ATP1B1: variants seen among roughly 807,000 people sequenced by gnomAD.
ATP1B1 encodes ATPase Na+/K+ transporting subunit beta 1.
Under a neutral mutation model 39.6 loss-of-function variants are expected in ATP1B1, and 3 were observed. The observed-to-expected ratio is 0.08, with a 90% confidence interval of 0.03 to 0.20. The LOEUF is 0.20. Among genes scored for constraint, ATP1B1 ranks in the 10% least tolerant of loss-of-function variants. The pLI is 1.00. For synonymous variants in ATP1B1, 139 were observed against 135.0 expected (o/e 1.03, Z -0.20); for missense variants, 216 against 371.1 (o/e 0.58, Z 3.43).
At chr1:169,124,365 G>A (rs1462699164) in intron 2 of ATP1B1, among the ~76,000 whole-genome samples, 2 of 152,200 alleles carry the variant, frequency 1.3e-5, no homozygotes, top group African/African-American at 4.8e-5. Context: ...CTTGAGTCTA[G>A]AGAATTTGGA....
At chr1:169,109,909 A>T (rs1010585908) in intron 1 of ATP1B1, among the ~76,000 whole-genome samples, 4 of 151,870 alleles carry the variant, frequency 2.6e-5, no homozygotes, top group African/African-American at 4.8e-5. Flanking sequence ...CAGCGTTGCC[A>T]TTTGCCTACT....
In ATP1B1 at chr1:169,127,431, G is replaced by A. The variant is rs1162356417; in HGVS notation, c.567+23G>A. The A allele has an allele frequency of 3.1e-6, 5 of 1,588,954 alleles. No homozygotes were observed. The Admixed American group carries it at 9.0e-5, about 29-fold the overall frequency. Reference sequence around the variant, plus strand: ...AAGGCAAGTAATATTTTAAATGATAGAATTTAGATGAGTCATTTACACTAA... The same window carrying A: ...AAGGCAAGTAATATTTTAAATGATAAAATTTAGATGAGTCATTTACACTAA... On this transcript the variant is annotated intron_variant, in intron 4 of 5. Coordinates refer to ENST00000367815, the MANE Select transcript of ATP1B1 (RefSeq NM_001677.4).
intron 5 of ATP1B1, 113 bp downstream of exon 5, chr1:169,130,203 C>A: frequency 1.1e-6 from 1 of 917,166 alleles, no homozygotes; most frequent in Non-Finnish European, 1.7e-6. Context: ...AAATAAGAAA[C>A]ATTGCTTTCA....
intron 2 of ATP1B1, among the ~76,000 whole-genome samples, chr1:169,113,893 AT>A (rs1657779045): frequency 1.3e-5 from 2 of 151,882 alleles, no homozygotes; most frequent in Admixed American, 6.6e-5. Flanking sequence ...TCTTTTCCTC[AT>A]CCCTTCCCCC....
intron 4 of ATP1B1, 33 bp from the exon 5 acceptor site, chr1:169,129,977 C>T (rs1260956005): frequency 6.4e-7 from 1 of 1,572,796 alleles, no homozygotes. Flanking sequence ...AAATCATTTA[C>T]AATCTACTGA....
rs1266358016 is a variant in ATP1B1, at chr1:169,125,043, A to G, written c.382+4A>G. On this transcript the variant is annotated splice_donor_region_variant and intron_variant, in intron 3 of 5. Transcript: ENST00000367815. ...ATGATTTTTGAAGATTGTGGCGGTA[A>G]GTAGACTCATTGTAGATGTCTGTGG... 6.2e-7 allele frequency: 1 copy of G among 1,608,836 alleles called. No homozygotes were observed. Among genetic ancestry groups the G allele is most frequent in the Admixed American group, 1.7e-5 (1 of 58,684 alleles).
intron 2 of ATP1B1, among the ~76,000 whole-genome samples, chr1:169,112,129 G>A (rs1488763917): frequency 6.6e-6 from 1 of 152,210 alleles, no homozygotes; most frequent in African/African-American, 2.4e-5. Flanking sequence ...CATCTCATTT[G>A]CCAGCTTTCT....
intron 1 of ATP1B1, among the ~76,000 whole-genome samples, chr1:169,108,374 G>A (rs1267432739): frequency 4.6e-5 from 7 of 152,104 alleles, no homozygotes; most frequent in African/African-American, 1.4e-4. Flanking sequence ...AGAACTGTGG[G>A]GTGTGTGTAG....
At chr1:169,127,168 T>C in intron 3 of ATP1B1, 56 bp from the exon 4 acceptor site, 2 of 1,500,420 alleles carry the variant, frequency 1.3e-6, no homozygotes, top group Non-Finnish European at 1.8e-6. Flanking sequence ...TTTCTTTTTC[T>C]TAGAACTGCT....
chr1:169,109,234 A>G (rs1657676042), intron 1 of ATP1B1, among the ~76,000 whole-genome samples: 1 of 152,114 alleles, frequency 6.6e-6, no homozygotes, highest in South Asian at 2.1e-4. Context: ...TTGTTTGTTC[A>G]TTTGTTTGTT....
At chr1:169,110,655 G>A (rs1657709774) in intron 1 of ATP1B1, 1 of 1,279,294 alleles carries the variant, frequency 7.8e-7, no homozygotes, top group Admixed American at 2.4e-5. Context: ...ATGCAGCCCA[G>A]CAAGTCAGTC....
In ATP1B1 at chr1:169,109,469, C is replaced by T. The variant is rs989270000; in HGVS notation, c.98-1901C>T. Among the ~76,000 whole-genome samples, 3 of 152,240 alleles carry T rather than the reference C, an allele frequency of 2.0e-5. No individual in the cohort carries two copies. In the South Asian group the frequency reaches 6.2e-4, roughly 32 times the overall value. On this transcript the variant is annotated intron_variant, in intron 1 of 5. Transcript: ENST00000367815. ...GAGTGCTCCACTCTCTCCCAGTGAC[C>T]TCACGGCAGTAACTAGGGAGATTTT...
At chr1:169,109,361 C>T (rs1263959506) in intron 1 of ATP1B1, among the ~76,000 whole-genome samples, 1 of 152,078 alleles carries the variant, frequency 6.6e-6, no homozygotes, top group Non-Finnish European at 1.5e-5. Flanking sequence ...GTTGGTGTGA[C>T]TTATCTAGCC....
intron 1 of ATP1B1, among the ~76,000 whole-genome samples, chr1:169,110,210 A>G (rs1468054066): frequency 6.6e-6 from 1 of 152,166 alleles, no homozygotes; most frequent in Non-Finnish European, 1.5e-5. Flanking sequence ...GGACAGGGCA[A>G]CAAGGCTAAT....
chr1:169,118,474 C>G (rs1484327923), intron 2 of ATP1B1, among the ~76,000 whole-genome samples: 1 of 152,172 alleles, frequency 6.6e-6, no homozygotes, highest in African/African-American at 2.4e-5. Flanking sequence ...TCAAAGGTGG[C>G]TAGTTTCCAG....
intron 1 of ATP1B1, 39 bp downstream of exon 1, chr1:169,106,965 A>G (rs1370738379): frequency 3.2e-6 from 5 of 1,540,358 alleles, no homozygotes; most frequent in Middle Eastern, 2.3e-4. Flanking sequence ...GCCGCGTCTG[A>G]TCTTTCCCGG....
Position 169,131,751 on chromosome 1 carries a change from C to T in ATP1B1, c.*196C>T. ...CAATAGCAACAAAATATTTATTCTA[C>T]TGTAAATGACAAAAGAAAAAGAAAA... is the stretch of plus-strand genomic sequence containing the variant. On this transcript the variant is annotated 3_prime_UTR_variant, in exon 6 of 6. Coordinates refer to ENST00000367815, the MANE Select transcript of ATP1B1 (RefSeq NM_001677.4). This position sits in a 1 kb window ranked among gnomAD's most constrained non-coding sequence, Gnocchi z 4.4. 1 of 684,544 alleles carries T rather than the reference C, an allele frequency of 1.5e-6. No individual in the cohort carries two copies. Among genetic ancestry groups the T allele is most frequent in the Non-Finnish European group, 2.3e-6 (1 of 439,670 alleles). The allele number at this position is 684,544 out of a possible 1,614,324, so 42.4% of individuals were successfully genotyped here. A position where few individuals can be genotyped will look rare whatever the true frequency, so the allele number is the denominator to read the frequency against.
rs577653520 is a variant in ATP1B1, at chr1:169,106,988, C to G, written c.97+62C>G. 4.1e-4 allele frequency: 602 copies of G among 1,474,204 alleles called. 1 individual carries two copies. Among genetic ancestry groups the G allele is most frequent in the Middle Eastern group, 1.9e-3 (8 of 4,194 alleles). 91.3% of individuals were successfully genotyped at this position (1,474,204 alleles called of 1,614,324 possible). ...TGATCTTTCCCGGGCGGCGCATCCC[C>G]TGCGCAGGGTCCGCGGCCGGTTCCG... On this transcript the variant is annotated intron_variant, in intron 1 of 5. Transcript: ENST00000367815.
chr1:169,116,165 G>A (rs1657843319), intron 2 of ATP1B1, among the ~76,000 whole-genome samples: 1 of 152,248 alleles, frequency 6.6e-6, no homozygotes, highest in African/African-American at 2.4e-5. Context: ...TTGCCTTGCT[G>A]CCTGCCCAGT....
Sources: allele counts gnomAD v4.1 joint callset (sites outside exome capture counted in the v4.1 genomes callset), GRCh38; gene constraint gnomAD v4.1.1; non-coding constraint Gnocchi (gnomAD v3.1); transcripts MANE v1.5; gene names NCBI Gene and HGNC (gene_info 2026-07-23, HGNC 2026-07-21).